The following LRRTM4 variants were observed in gnomAD, a reference collection of about 807,000 sequenced individuals.
LRRTM4 encodes leucine-rich repeat transmembrane neuronal protein 4.
LRRTM4 carries 25 observed loss-of-function variants against 47.6 expected under a neutral mutation model. The observed-to-expected ratio is 0.53, with a 90% CI of 0.38 to 0.73. The LOEUF (loss-of-function observed/expected upper bound fraction) is 0.73. Ranked by LOEUF, LRRTM4 falls within the 30% of genes least tolerant of loss-of-function variation. The pLI, the probability that LRRTM4 is intolerant of heterozygous loss-of-function variation, is 0.00. For synonymous variants in LRRTM4, 311 were observed against 269.5 expected, an observed-to-expected ratio of 1.15 and a Z score of -1.51; for missense variants, 638 against 713.4, an observed-to-expected ratio of 0.89 and a Z score of 1.20.
intron 3 of LRRTM4, among the ~76,000 whole-genome samples, chr2:76,812,718 C>CTTTCTTTATTTCTT: frequency 3.4e-5 from 4 of 119,328 alleles, no homozygotes; most frequent in African/African-American, 1.3e-4. Context: ...ATTTCTTTTT[C>CTTTCTTTATTTCTT]TTTCTCTTTT....
intron 3 of LRRTM4, among the ~76,000 whole-genome samples, chr2:76,795,150 T>G (rs1394467268): frequency 6.6e-6 from 1 of 151,722 alleles, no homozygotes; most frequent in Non-Finnish European, 1.5e-5. Flanking sequence ...GGACAAAATA[T>G]ATGAATAGGC....
At chr2:77,256,744 G>T (rs1675779674) in intron 3 of LRRTM4, among the ~76,000 whole-genome samples, 1 of 151,774 alleles carries the variant, frequency 6.6e-6, no homozygotes, top group Non-Finnish European at 1.5e-5. Flanking sequence ...TTTATCAGCA[G>T]AATGAAAACA....
At chr2:77,374,997 T>G (rs886973964) in intron 3 of LRRTM4, among the ~76,000 whole-genome samples, 4 of 151,722 alleles carry the variant, frequency 2.6e-5, no homozygotes, top group Non-Finnish European at 5.9e-5. Context: ...CTAAGCTTTC[T>G]ACCTTTCATA....
intron 3 of LRRTM4, among the ~76,000 whole-genome samples, chr2:76,894,344 T>C (rs139854122): frequency 1.3e-5 from 2 of 152,082 alleles, no homozygotes; most frequent in Non-Finnish European, 2.9e-5. Context: ...GGACCAGAGA[T>C]GCCAGCATGC....
chr2:77,133,899 C>G (rs963273948), intron 3 of LRRTM4, among the ~76,000 whole-genome samples: 2 of 152,026 alleles, frequency 1.3e-5, no homozygotes, highest in African/African-American at 4.8e-5. Flanking sequence ...CATATGCATA[C>G]TGGAGAAATT....
intron 3 of LRRTM4, among the ~76,000 whole-genome samples, chr2:76,881,830 A>T (rs2104108627): frequency 6.6e-6 from 1 of 152,140 alleles, no homozygotes; most frequent in South Asian, 2.1e-4. Context: ...TGTTTGATTT[A>T]TATACTCCAT....
At chr2:77,504,563 A>T (rs566232055) in intron 3 of LRRTM4, among the ~76,000 whole-genome samples, 1 of 151,744 alleles carries the variant, frequency 6.6e-6, no homozygotes, top group Non-Finnish European at 1.5e-5. Flanking sequence ...TTCTTTGAAA[A>T]AAATCAATAA....
At chr2:76,885,574 C>G (rs1165097847) in intron 3 of LRRTM4, among the ~76,000 whole-genome samples, 1 of 151,704 alleles carries the variant, frequency 6.6e-6, no homozygotes, top group Admixed American at 6.6e-5. Context: ...GCCATTCTCC[C>G]GCCTCAGCCT....
chr2:76,828,923 T>C (rs779621025), intron 3 of LRRTM4, among the ~76,000 whole-genome samples: 4 of 151,984 alleles, frequency 2.6e-5, no homozygotes, highest in Non-Finnish European at 5.9e-5. Context: ...AATTAGGCCT[T>C]GACATCCTTC....
chr2:77,074,992 G>A (rs577050886), intron 3 of LRRTM4, among the ~76,000 whole-genome samples: 9 of 152,148 alleles, frequency 5.9e-5, no homozygotes, highest in African/African-American at 2.2e-4. Context: ...ACCATATCTA[G>A]ACTCCTAACT....
chr2:77,421,434 G>A (rs1674878255), intron 3 of LRRTM4, among the ~76,000 whole-genome samples: 1 of 152,128 alleles, frequency 6.6e-6, no homozygotes, highest in Admixed American at 6.5e-5. Context: ...CAGGCCGGGC[G>A]TGGTGGCTCA....
In LRRTM4 at chr2:77,377,429, A is replaced by C. The variant is rs531153830; in HGVS notation, c.1551+140889T>G. On this transcript the variant is annotated intron_variant, in intron 3 of 3. Coordinates refer to ENST00000409884, the MANE Select transcript of LRRTM4 (RefSeq NM_001134745.3). ...TCTGCAGATAATAGTTGGATATACT[A>C]TAGGAATACTTACACTATTCTTGAC... Among the ~76,000 whole-genome samples the C allele has an allele frequency of 7.2e-5, 11 of 152,106 alleles. No homozygotes were observed. In the East Asian group the frequency reaches 2.1e-3, roughly 29 times the overall value.
chr2:77,094,429 C>T (rs1433765763), intron 3 of LRRTM4, among the ~76,000 whole-genome samples: 1 of 151,714 alleles, frequency 6.6e-6, no homozygotes, highest in Non-Finnish European at 1.5e-5. Context: ...GAAAAAAAAT[C>T]CTGAAATTTG....
chr2:77,458,583 C>T (rs897895723), intron 3 of LRRTM4, among the ~76,000 whole-genome samples: 10 of 151,092 alleles, frequency 6.6e-5, no homozygotes, highest in South Asian at 2.1e-4. Flanking sequence ...CATCAACTGC[C>T]GTTGGCTCTG....
intron 3 of LRRTM4, among the ~76,000 whole-genome samples, chr2:76,830,407 A>AT (rs1010692683): frequency 3.3e-5 from 5 of 151,684 alleles, no homozygotes; most frequent in Non-Finnish European, 7.4e-5. Context: ...CTGATATTTT[A>AT]TTTTTTTAAT....
intron 3 of LRRTM4, among the ~76,000 whole-genome samples, chr2:77,316,021 A>G (rs1480774388): frequency 6.6e-6 from 1 of 152,204 alleles, no homozygotes; most frequent in Non-Finnish European, 1.5e-5. Context: ...TCACTGGAAC[A>G]GGGAATCTAA....
intron 3 of LRRTM4, among the ~76,000 whole-genome samples, chr2:77,141,312 T>C (rs1293897125): frequency 6.6e-6 from 1 of 152,144 alleles, no homozygotes; most frequent in Middle Eastern, 3.2e-3. Flanking sequence ...TGAGTTCGTG[T>C]CCTCTGTAGG....
chr2:77,268,332 A>C (rs1264760075), intron 3 of LRRTM4, among the ~76,000 whole-genome samples: 1 of 152,144 alleles, frequency 6.6e-6, no homozygotes, highest in Non-Finnish European at 1.5e-5. Context: ...ACTAAGTTGC[A>C]GAAGACAGTA....
chr2:76,860,892 A>T (rs912142036), intron 3 of LRRTM4, among the ~76,000 whole-genome samples: 3 of 141,154 alleles, frequency 2.1e-5, no homozygotes, highest in Admixed American at 6.8e-5. Context: ...TTGTAAAATT[A>T]AAAAAAAGCA....
Sources: allele counts gnomAD v4.1 joint callset (sites outside exome capture counted in the v4.1 genomes callset), GRCh38; gene constraint gnomAD v4.1.1; transcripts MANE v1.5; gene names NCBI Gene and HGNC (gene_info 2026-07-23, HGNC 2026-07-21).